Variants in TOX2 observed in about 807,000 individuals in gnomAD.
TOX2 encodes granulosa cell HMG box 1.
A neutral mutation model predicts 47.4 loss-of-function variants in TOX2; 15 were observed. That is an observed-to-expected ratio of 0.32 (90% CI 0.21 to 0.49). The LOEUF is 0.49. TOX2 is among the 20% of genes least tolerant of loss of function. TOX2 has a pLI of 0.99. For synonymous variants in TOX2, 290 were observed against 296.6 expected, an observed-to-expected ratio of 0.98 and a Z score of 0.23; for missense variants, 622 against 673.1, an observed-to-expected ratio of 0.92 and a Z score of 0.84.
chr20:43,964,281 T>A (rs924816592), intron 1 of TOX2, among the ~76,000 whole-genome samples: 5 of 152,178 alleles, frequency 3.3e-5, no homozygotes, highest in African/African-American at 9.7e-5. Flanking sequence ...GCTCTATTCC[T>A]GTTCCTCTTC....
At chr20:44,057,427 T>C (rs1334104541) in intron 5 of TOX2, among the ~76,000 whole-genome samples, 1 of 152,216 alleles carries the variant, frequency 6.6e-6, no homozygotes, top group African/African-American at 2.4e-5. Flanking sequence ...TTTAGAAATG[T>C]GACTTATATT....
At chr20:44,056,304 T>C (rs1363533637) in intron 5 of TOX2, among the ~76,000 whole-genome samples, 8 of 152,082 alleles carry the variant, frequency 5.3e-5, no homozygotes, top group African/African-American at 1.7e-4. Flanking sequence ...AGGACAGGGG[T>C]AAGGACTGGG....
chr20:44,033,001 A>G (rs2071181357), intron 3 of TOX2, among the ~76,000 whole-genome samples: 2 of 152,196 alleles, frequency 1.3e-5, no homozygotes, highest in Non-Finnish European at 2.9e-5. Flanking sequence ...ATAATATGCT[A>G]TTATTATAGT....
chr20:44,053,439 T>TATATATAC (rs373458500), intron 4 of TOX2, among the ~76,000 whole-genome samples: 75 of 143,146 alleles, frequency 5.2e-4, no homozygotes, highest in African/African-American at 1.9e-3. Flanking sequence ...GGCAGATATA[T>TATATATAC]ACACACACAC....
chr20:44,033,442 CTG>C (rs2071187684), intron 3 of TOX2, among the ~76,000 whole-genome samples: 1 of 152,090 alleles, frequency 6.6e-6, no homozygotes, highest in African/African-American at 2.4e-5. Flanking sequence ...GGGCCTGTAA[CTG>C]TGTTACCTTA....
At position 43,957,463 on chromosome 20, in the gene TOX2, CTG is replaced by C. The variant is rs1221754675; in HGVS notation, c.100-15902_100-15901del. Among the ~76,000 whole-genome samples, 8 of 152,112 alleles carry C rather than the reference CTG, an allele frequency of 5.3e-5. No individual in the cohort carries two copies. The South Asian group carries it at 1.7e-3, about 32-fold the overall frequency. ...GCTTAAATTGGGCTTGTTTTTTCCT[CTG>C]TAAAACTGGATGATATCTTCCTCCT... On this transcript the variant is annotated intron_variant, in intron 1 of 8. Coordinates refer to ENST00000341197, the MANE Select transcript of TOX2 (RefSeq NM_001098797.2).
In TOX2 at chr20:44,039,359, C is replaced by T. The variant is rs970549170; in HGVS notation, c.412-11947C>T. 6 of 1,247,622 alleles carry T rather than the reference C, an allele frequency of 4.8e-6. No individual in the cohort carries two copies. In the Admixed American group the frequency reaches 1.2e-4, roughly 25 times the overall value. The allele number at this position is 1,247,622 out of a possible 1,614,324, so 77.3% of individuals were successfully genotyped here. On this transcript the variant is annotated intron_variant, in intron 3 of 8. Coordinates refer to ENST00000341197, the MANE Select transcript of TOX2 (RefSeq NM_001098797.2). The stretch of plus-strand genomic sequence containing the variant: ...AGAGATTGTACAGATCCTCATGGAG[C>T]ATTTTACATGGCTAGGCCATTGCTA...
intron 1 of TOX2, among the ~76,000 whole-genome samples, chr20:43,947,702 G>A (rs1310822886): frequency 6.6e-6 from 1 of 152,216 alleles, no homozygotes; most frequent in East Asian, 1.9e-4. Context: ...CATTTTGAAA[G>A]AGAACCAACC....
At chr20:44,010,771 G>T (rs1366406120) in intron 3 of TOX2, among the ~76,000 whole-genome samples, 1 of 152,144 alleles carries the variant, frequency 6.6e-6, no homozygotes, top group African/African-American at 2.4e-5. Context: ...GTATCATGAA[G>T]GGATGGAGAC....
At chr20:44,059,836 AAC>A in intron 5 of TOX2, among the ~76,000 whole-genome samples, 1 of 152,318 alleles carries the variant, frequency 6.6e-6, no homozygotes, top group South Asian at 2.1e-4. Context: ...CTAAAATAAT[AAC>A]ACAATTTTTT....
chr20:43,986,873 C>A (rs1166166756), intron 2 of TOX2, among the ~76,000 whole-genome samples: 1 of 152,014 alleles, frequency 6.6e-6, no homozygotes, highest in African/African-American at 2.4e-5. Context: ...CAAGACCAGC[C>A]TGAGCAATTT....
chr20:44,029,697 G>A (rs2071120332), intron 3 of TOX2, among the ~76,000 whole-genome samples: 1 of 152,138 alleles, frequency 6.6e-6, no homozygotes, highest in South Asian at 2.1e-4. Context: ...CGCACTTTCT[G>A]CTCAGCATCT....
At chr20:44,020,455 T>C (rs2070957562) in intron 3 of TOX2, among the ~76,000 whole-genome samples, 1 of 152,156 alleles carries the variant, frequency 6.6e-6, no homozygotes, top group African/African-American at 2.4e-5. Context: ...AACCCGGAAC[T>C]TAAAGTAAAA....
chr20:43,947,261 T>C (rs544921197), intron 1 of TOX2, among the ~76,000 whole-genome samples: 52 of 152,368 alleles, frequency 3.4e-4, no homozygotes, highest in African/African-American at 1.1e-3. Flanking sequence ...TCTTCATCCA[T>C]AAAATGGGGA....
At chr20:43,917,349 A>G (rs562636213) in intron 1 of TOX2, among the ~76,000 whole-genome samples, 3 of 152,266 alleles carry the variant, frequency 2.0e-5, no homozygotes, top group South Asian at 4.1e-4. Flanking sequence ...GAAATGCCCA[A>G]GCTCCACCTT....
At chr20:44,001,146 T>C (rs2070574536) in intron 2 of TOX2, among the ~76,000 whole-genome samples, 1 of 152,226 alleles carries the variant, frequency 6.6e-6, no homozygotes, top group Admixed American at 6.5e-5. Flanking sequence ...TTCATGAGGA[T>C]GCCAGTGGTA....
chr20:44,029,116 G>C (rs954115251), intron 3 of TOX2, among the ~76,000 whole-genome samples: 2 of 152,208 alleles, frequency 1.3e-5, no homozygotes, highest in Non-Finnish European at 2.9e-5. Context: ...GACACTCAGG[G>C]TCGCCACCGC....
intron 1 of TOX2, among the ~76,000 whole-genome samples, chr20:43,939,650 G>T (rs143244631): frequency 6.2e-4 from 95 of 152,296 alleles, no homozygotes; most frequent in African/African-American, 1.9e-3. Flanking sequence ...GAGACCATTC[G>T]TATAGTCAGA....
chr20:44,062,212 A>T (rs1479009103), intron 5 of TOX2, among the ~76,000 whole-genome samples: 2 of 151,988 alleles, frequency 1.3e-5, no homozygotes, highest in African/African-American at 4.8e-5. Flanking sequence ...TACCTAGAAA[A>T]CCCTAAAGAC....
Sources: allele counts gnomAD v4.1 joint callset (sites outside exome capture counted in the v4.1 genomes callset), GRCh38; gene constraint gnomAD v4.1.1; transcripts MANE v1.5; gene names NCBI Gene and HGNC (gene_info 2026-07-23, HGNC 2026-07-21).